NDUFA10: variants seen among roughly 807,000 people sequenced by gnomAD.
The protein encoded by NDUFA10 is NADH:ubiquinone oxidoreductase subunit A10, also known as NADH dehydrogenase [ubiquinone] 1 alpha subcomplex subunit 10, mitochondrial.
In NDUFA10, 40 loss-of-function variants were observed where a neutral mutation model predicts 47.8. The ratio of observed to expected loss-of-function variants is 0.84; its 90% CI spans 0.65 to 1.09. The LOEUF (loss-of-function observed/expected upper bound fraction) is 1.09, where lower values mean the gene tolerates loss of function less well. Ranked by LOEUF, NDUFA10 falls within the 50% of genes least tolerant of loss-of-function variation. The probability of loss-of-function intolerance (pLI) is 0.00; values close to 1 mark genes in which losing one functional copy is unlikely to be tolerated. For missense variants in NDUFA10, 413 were observed against 451.1 expected (o/e 0.92, Z 0.76); for synonymous variants, 183 against 172.2 (o/e 1.06, Z -0.49).
chr2:239,988,681 A>T (rs1458606860), intron 9 of NDUFA10, among the ~76,000 whole-genome samples: 1 of 152,194 alleles, frequency 6.6e-6, no homozygotes, highest in East Asian at 1.9e-4. Context: ...CACTCACAAA[A>T]GCAGAGACAG....
chr2:239,979,617 C>T (rs977316872), intron 9 of NDUFA10, among the ~76,000 whole-genome samples: 5 of 152,142 alleles, frequency 3.3e-5, no homozygotes, highest in Admixed American at 6.5e-5. Flanking sequence ...CTACTCTCAG[C>T]GCCCCCGCCC....
intron 4 of NDUFA10, among the ~76,000 whole-genome samples, chr2:239,951,461 A>C (rs1234777498): frequency 6.6e-6 from 1 of 152,154 alleles, no homozygotes; most frequent in Non-Finnish European, 1.5e-5. Flanking sequence ...CTCACTTCTG[A>C]GCCTCCATAA....
chr2:239,912,472 T>C (rs1693771886), intron 4 of NDUFA10, among the ~76,000 whole-genome samples: 1 of 152,212 alleles, frequency 6.6e-6, no homozygotes, highest in Admixed American at 6.5e-5. Flanking sequence ...CCAGAACACA[T>C]GCTGGAGCCA....
chr2:239,916,031 CAGAGAT>C (rs1559278488), intron 4 of NDUFA10, among the ~76,000 whole-genome samples: 2 of 120,630 alleles, frequency 1.7e-5, no homozygotes, highest in Non-Finnish European at 3.4e-5. Flanking sequence ...GAGAGACACA[CAGAGAT>C]ACTCACACAA....
chr2:239,927,448 G>A (rs1171851601), intron 4 of NDUFA10, among the ~76,000 whole-genome samples: 2 of 152,150 alleles, frequency 1.3e-5, no homozygotes. Context: ...AAAGTCTGCA[G>A]CAGTGCACAG....
chr2:239,941,593 G>C (rs952105914), intron 4 of NDUFA10, among the ~76,000 whole-genome samples: 5 of 152,206 alleles, frequency 3.3e-5, no homozygotes, highest in African/African-American at 1.2e-4. Flanking sequence ...GGGCATGATG[G>C]CGCACGTTTG....
rs1398011350 is a variant in NDUFA10 at position 239,959,618 on chromosome 2, CAAGG to C, written c.*1496_*1499del. ...AAACTTTATTTTCAAATTCTTAAAA[CAAGG>C]AAGGAGGCAGGGAGGAAGGGAAGGG... On this transcript the variant is annotated 3_prime_UTR_variant, in exon 10 of 10. Transcript: ENST00000252711. 14 of 985,468 alleles carry C rather than the reference CAAGG, an allele frequency of 1.4e-5. No homozygotes were observed. The highest frequency in any genetic ancestry group is 3.5e-5 in the African/African-American group (2 of 56,886). 61.0% of individuals were successfully genotyped at this position (985,468 alleles called of 1,614,324 possible).
intron 5 of NDUFA10, among the ~76,000 whole-genome samples, chr2:239,893,272 G>C (rs1693330057): frequency 6.6e-6 from 1 of 152,086 alleles, no homozygotes; most frequent in African/African-American, 2.4e-5. Flanking sequence ...CAGAGGACCG[G>C]AAGTATGTGC....
chr2:239,940,461 C>A (rs1694342294), intron 4 of NDUFA10, among the ~76,000 whole-genome samples: 1 of 152,160 alleles, frequency 6.6e-6, no homozygotes, highest in Admixed American at 6.5e-5. Context: ...CAGAAGGAGG[C>A]AAGGATTGAA....
intron 5 of NDUFA10, chr2:240,013,392 T>C (rs1218497521): frequency 6.6e-6 from 1 of 152,254 alleles, no homozygotes. Context: ...AATACTGTTT[T>C]CCCAGATAAC....
At chr2:240,024,587 G>GA (rs1261757341) in intron 1 of NDUFA10, among the ~76,000 whole-genome samples, 4 of 152,174 alleles carry the variant, frequency 2.6e-5, no homozygotes, top group African/African-American at 9.6e-5. Context: ...ATAGCACAAA[G>GA]AAAAAATCCA....
At chr2:240,007,743 C>T (rs1029082925) in intron 6 of NDUFA10, among the ~76,000 whole-genome samples, 1 of 152,204 alleles carries the variant, frequency 6.6e-6, no homozygotes, top group Non-Finnish European at 1.5e-5. Flanking sequence ...GCCCGCTGCA[C>T]GGAAGGACAA....
intron 2 of NDUFA10, among the ~76,000 whole-genome samples, chr2:240,021,702 G>C (rs1438754130): frequency 6.6e-6 from 1 of 152,248 alleles, no homozygotes; most frequent in African/African-American, 2.4e-5. Flanking sequence ...GGCAGCTGCT[G>C]TCATGCAGGT....
At chr2:239,983,798 T>G (rs774257010) in intron 9 of NDUFA10, 2 of 1,506,848 alleles carry the variant, frequency 1.3e-6, no homozygotes, top group African/African-American at 1.4e-5. Flanking sequence ...AAACAAAGTC[T>G]GAGAAAATGT....
At chr2:240,014,182 G>T in intron 5 of NDUFA10, 1 of 162,690 alleles carries the variant, frequency 6.1e-6, no homozygotes, top group Admixed American at 5.8e-5. Flanking sequence ...AACGGCCACA[G>T]GGTCACTTCA....
At chr2:239,948,491 A>G (rs1694494386) in intron 4 of NDUFA10, among the ~76,000 whole-genome samples, 1 of 152,250 alleles carries the variant, frequency 6.6e-6, no homozygotes, top group African/African-American at 2.4e-5. Flanking sequence ...TCTACAGCCC[A>G]CTGTCCATTT....
Position 239,958,967 on chromosome 2 carries a change from T to C in NDUFA10, c.*2151A>G. 1 of 985,452 alleles carries C rather than the reference T, an allele frequency of 1.0e-6. No homozygotes were observed. Among genetic ancestry groups the C allele is most frequent in the Non-Finnish European group, 1.2e-6 (1 of 829,946 alleles). 61.0% of individuals were successfully genotyped at this position (985,452 alleles called of 1,614,324 possible). On this transcript the variant is annotated 3_prime_UTR_variant, in exon 10 of 10. Transcript: ENST00000252711. ...GCTGTTGTTTTAGTTGTAAGAGCTT[T>C]CGTGAGACGAACGCATGTACTGCTC...
At chr2:239,892,641 T>G (rs576635404) in exon 6 of NDUFA10, 1 of 152,220 alleles carries the variant, frequency 6.6e-6, no homozygotes, top group Admixed American at 6.5e-5. Context: ...GAAGGGAGAA[T>G]GCTGCTCTCG....
chr2:239,989,645 C>T (rs148546618), intron 9 of NDUFA10, among the ~76,000 whole-genome samples: 2 of 152,346 alleles, frequency 1.3e-5, no homozygotes, highest in South Asian at 2.1e-4. Flanking sequence ...CAACTTCCAC[C>T]CTCGCTGTCT....
Sources: gnomAD v4.1 joint callset for allele counts (sites outside exome capture counted in the v4.1 genomes callset) on GRCh38, gnomAD v4.1.1 for gene constraint, MANE v1.5 for transcripts, NCBI Gene and HGNC (gene_info 2026-07-23, HGNC 2026-07-21) for gene names.